The following MSANTD1 variants were observed in gnomAD, a reference collection of about 807,000 sequenced individuals.
MSANTD1 encodes the protein Myb/SANT DNA binding domain containing 1.
In MSANTD1, 7 loss-of-function variants were observed where a neutral mutation model predicts 24.2. The ratio of observed to expected loss-of-function variants is 0.29; its 90% confidence interval spans 0.16 to 0.54. The LOEUF is 0.54. MSANTD1 is among the 20% of genes least tolerant of loss of function. MSANTD1 has a pLI of 0.94. For missense variants in MSANTD1, 384 were observed against 408.2 expected (o/e 0.94, Z 0.51); for synonymous variants, 177 against 181.1 (o/e 0.98, Z 0.18).
chr4:3,249,308 C>T lies in MSANTD1; in HGVS notation c.86C>T (p.Pro29Leu). ...TCCGGCATGGCGGCGGCCGAGGGGC[C>T]CGGCTACCTCGTGTCTCCCCAGGCG... is the stretch of plus-strand genomic sequence containing the variant. ...GASGMAAAEG[P>L]GYLVSPQAEK... Residue 29 changes from proline (P) to leucine (L), a missense_variant, in exon 1 of 3, where the codon CCC (proline) becomes CTC (leucine). Physicochemically the swap from Pro to Leu is moderately conservative, Grantham distance 98. Coordinates refer to ENST00000438480, the MANE Select transcript of MSANTD1 (RefSeq NM_001042690.2). 6.5e-7 allele frequency: 1 copy of T among 1,539,122 alleles called. No homozygotes were observed.
chr4:3,255,487 G>T (rs886667839), intron 2 of MSANTD1, among the ~76,000 whole-genome samples: 2 of 152,156 alleles, frequency 1.3e-5, no homozygotes, highest in African/African-American at 4.8e-5. Context: ...GCCTCCCAAA[G>T]TGCTGGGATT....
intron 1 of MSANTD1, 57 bp from the exon 2 acceptor site, chr4:3,253,150 G>T: frequency 6.8e-7 from 1 of 1,474,368 alleles, no homozygotes; most frequent in South Asian, 1.4e-5. Flanking sequence ...GGCTGGGCAG[G>T]ACAGGGGCTG....
Position 3,253,338 on chromosome 4 carries a change from C to T in MSANTD1, c.452C>T (p.Pro151Leu). Residue 151 changes from proline to leucine, a missense_variant, in exon 2 of 3, where the codon CCC becomes CTC. Physicochemically the swap from Pro to Leu is moderately conservative, Grantham distance 98. Transcript: ENST00000438480. ...CTGCCGGACAGCCAGCCGCCGGGGC[C>T]CTCCACGTCCCAGACCGAGGCGTCC... ...GKLPDSQPPG[P>L]STSQTEASLS... The T allele has an allele frequency of 2.5e-6, 4 of 1,610,818 alleles. No individual in the cohort carries two copies. The South Asian group carries it at 3.3e-5, about 13-fold the overall frequency.
rs530828281 is a variant in MSANTD1, at chr4:3,249,280, G to A, written c.58G>A (p.Ala20Thr). The change falls in exon 1 of 3, where the codon GCC (alanine) becomes ACC (threonine). Residue 20 changes from alanine (A) to threonine (T), a missense_variant. Physicochemically the swap from Ala to Thr is moderately conservative, Grantham distance 58. Transcript: ENST00000438480. ...SLSALSHPTGASGMAAAEGPG... is the reference protein window; with the variant it reads ...SLSALSHPTGTSGMAAAEGPG... Reference sequence around the variant, plus strand: ...GAGCGCGCTCTCTCACCCCACAGGCGCCTCCGGCATGGCGGCGGCCGAGGG... The same window carrying A: ...GAGCGCGCTCTCTCACCCCACAGGCACCTCCGGCATGGCGGCGGCCGAGGG... 3.0e-5 allele frequency: 45 copies of A among 1,517,750 alleles called. No homozygotes were observed. Among genetic ancestry groups the A allele is most frequent in the African/African-American group, 9.7e-5 (7 of 72,452 alleles). 94.0% of individuals were successfully genotyped at this position (1,517,750 alleles called of 1,614,324 possible).
chr4:3,254,674 C>T (rs149634874), intron 2 of MSANTD1, among the ~76,000 whole-genome samples: 36 of 152,332 alleles, frequency 2.4e-4, no homozygotes, highest in African/African-American at 7.7e-4. Context: ...GTGGCCCCTA[C>T]CCCAGCAGCA....
chr4:3,250,085 AGCCGGTGAGCCCCACTGGG>A (rs1322095565), intron 1 of MSANTD1, among the ~76,000 whole-genome samples: 1 of 151,850 alleles, frequency 6.6e-6, no homozygotes, highest in African/African-American at 2.4e-5. Context: ...CTCTGCCATG[AGCCGGTGAGCCCCACTGGG>A]GCTGGCCCTA....
chr4:3,249,595 C>A, intron 1 of MSANTD1, 53 bp downstream of exon 1: 7 of 1,503,962 alleles, frequency 4.7e-6, no homozygotes, highest in Non-Finnish European at 6.3e-6. Flanking sequence ...CCGGGCGTGG[C>A]GGGCCGCTCC....
At chr4:3,248,287 G>A (rs900095549), upstream of MSANTD1, 15 of 152,228 alleles carry the variant, frequency 9.9e-5, no homozygotes, top group Admixed American at 9.8e-4. Context: ...AGCCCCACAG[G>A]GGCCTGCCCC....
At chr4:3,247,180 G>T (rs188596600), upstream of MSANTD1, among the ~76,000 whole-genome samples, 907 of 152,264 alleles carry the variant, frequency 6.0e-3, 7 homozygotes, top group African/African-American at 0.02. Flanking sequence ...GGAGGGCTGT[G>T]CCCCCTTAGC....
intron 2 of MSANTD1, among the ~76,000 whole-genome samples, chr4:3,255,111 GC>G (rs1277931300): frequency 6.6e-6 from 1 of 152,362 alleles, no homozygotes; most frequent in East Asian, 1.9e-4. Flanking sequence ...CCCCTCTGCA[GC>G]CCAGAACATC....
At chr4:3,253,539 G>A in intron 2 of MSANTD1, 57 bp downstream of exon 2, 1 of 1,430,722 alleles carries the variant, frequency 7.0e-7, no homozygotes, top group African/African-American at 1.5e-5. Context: ...CCACCATTTA[G>A]AGAAAGGGAC....
At chr4:3,244,587 G>GCTCAGCCTCTT (rs1721962435), upstream of MSANTD1, 1 of 152,304 alleles carries the variant, frequency 6.6e-6, no homozygotes, top group South Asian at 2.1e-4. Context: ...AGAAGCCTCT[G>GCTCAGCCTCTT]CTCAGCCCAG....
rs529976785 is a variant in MSANTD1 at position 3,255,982 on chromosome 4, G to A, written c.*17G>A. 1,438 of 1,497,284 alleles carry A rather than the reference G, an allele frequency of 9.6e-4. 7 individuals carry two copies. Among genetic ancestry groups the A allele is most frequent in the Middle Eastern group, 7.6e-3 (32 of 4,192 alleles). The allele number at this position is 1,497,284 out of a possible 1,614,324, so 92.7% of individuals were successfully genotyped here. ...AGCGTCTAGGCCAGCAGGCGGCGGC[G>A]GCGGCGGGGCCGGGCGGCTGGTGGT... is the stretch of plus-strand genomic sequence containing the variant. On this transcript the variant is annotated 3_prime_UTR_variant, in exon 3 of 3. Coordinates refer to ENST00000438480, the MANE Select transcript of MSANTD1 (RefSeq NM_001042690.2).
rs532168523 is a variant in MSANTD1 at position 3,253,829 on chromosome 4, C to T, written c.596+347C>T. On this transcript the variant is annotated intron_variant, in intron 2 of 2. Transcript: ENST00000438480. The stretch of plus-strand genomic sequence containing the variant: ...AAGACGCAGCATGGGGCCCGGCACA[C>T]GGAGGGAGACCAAGCCCCAGACCCC... Among the ~76,000 whole-genome samples, 47 of 152,330 alleles carry T rather than the reference C, an allele frequency of 3.1e-4. 1 individual carries two copies. The South Asian group carries it at 9.1e-3, about 30-fold the overall frequency.
In MSANTD1 at chr4:3,256,014, C is replaced by T. The variant is rs954415270; in HGVS notation, c.*49C>T. The T allele has an allele frequency of 4.8e-6, 7 of 1,454,324 alleles. No homozygotes were observed. The South Asian group carries it at 7.1e-5, about 15-fold the overall frequency. 90.1% of individuals were successfully genotyped at this position (1,454,324 alleles called of 1,614,324 possible). ...GGGCCGGGCGGCTGGTGGTACTGCT[C>T]AGGCCACCCAGGGCAGGCCACTCAG... On this transcript the variant is annotated 3_prime_UTR_variant, in exon 3 of 3. Transcript: ENST00000438480.
chr4:3,249,760 C>G (rs1722163187), intron 1 of MSANTD1, among the ~76,000 whole-genome samples: 1 of 152,208 alleles, frequency 6.6e-6, no homozygotes, highest in South Asian at 2.1e-4. Context: ...GAAACTGAGG[C>G]CCAGCAAGGG....
chr4:3,249,199 G>A lies in MSANTD1; in HGVS notation c.-24G>A, dbSNP rs1450922347. The A allele has an allele frequency of 1.5e-5, 20 of 1,364,254 alleles. No homozygotes were observed. The highest frequency in any genetic ancestry group is 3.4e-5 in the Admixed American group (1 of 29,020). The allele number at this position is 1,364,254 out of a possible 1,614,324, so 84.5% of individuals were successfully genotyped here. A position where few individuals can be genotyped will look rare whatever the true frequency, so the allele number is the denominator to read the frequency against. ...TTTGAGCGTGGAGCTGCCTTCGAGC[G>A]AGCGTGAGCGGCGCCTCCCGCCCAT... On this transcript the variant is annotated 5_prime_UTR_variant, in exon 1 of 3. Transcript: ENST00000438480.
chr4:3,249,077 T>G, upstream of MSANTD1: 1 of 630,460 alleles, frequency 1.6e-6, no homozygotes, highest in Non-Finnish European at 2.4e-6. Flanking sequence ...TTGTAGCTTA[T>G]GCAGTTGCTC....
intron 1 of MSANTD1, among the ~76,000 whole-genome samples, chr4:3,252,415 G>A (rs1722254710): frequency 6.6e-6 from 1 of 152,260 alleles, no homozygotes; most frequent in African/African-American, 2.4e-5. Flanking sequence ...ATCAGGCAGT[G>A]TGGGAAGGGG....
Sources: gnomAD v4.1 joint callset for allele counts (sites outside exome capture counted in the v4.1 genomes callset) on GRCh38, gnomAD v4.1.1 for gene constraint, MANE v1.5 for transcripts, NCBI Gene and HGNC (gene_info 2026-07-23, HGNC 2026-07-21) for gene names.